TF: variants seen among roughly 807,000 people sequenced by gnomAD.
TF encodes the protein transferrin.
Under a neutral mutation model 82.4 loss-of-function variants are expected in TF, and 55 were observed. The observed-to-expected ratio is 0.67, with a 90% CI of 0.54 to 0.84. TF has a LOEUF of 0.84. TF is among the 40% of genes least tolerant of loss of function. The pLI is 0.00. For missense variants in TF, 737 were observed against 868.4 expected (o/e 0.85, Z 1.90); for synonymous variants, 332 against 332.6 (o/e 1.00, Z 0.02).
At position 133,781,770 on chromosome 3, in the gene TF, C is replaced by T. The variant is rs2107939781; in HGVS notation, c.*3150C>T. The T allele has an allele frequency of 6.6e-6, 1 of 152,234 alleles. No homozygotes were observed. Among genetic ancestry groups the T allele is most frequent in the South Asian group, 2.1e-4 (1 of 4,828 alleles). The allele number at this position is 152,234 out of a possible 1,614,324, so 9.4% of individuals were successfully genotyped here. On this transcript the variant is annotated 3_prime_UTR_variant, in exon 17 of 17. Transcript: ENST00000402696. ...CTTAGCAATGATTTTTTGGCTATCA[C>T]ATCAAAAGCCCAGGCCACAAAAGCA... is the stretch of plus-strand genomic sequence containing the variant.
chr3:133,703,753 G>C, the TF span, among the ~76,000 whole-genome samples: 1 of 152,206 alleles, frequency 6.6e-6, no homozygotes, highest in Non-Finnish European at 1.5e-5. Context: ...TGAATTATTA[G>C]TGTATTATCT....
chr3:133,708,328 C>A, the TF span, among the ~76,000 whole-genome samples: 5 of 151,942 alleles, frequency 3.3e-5, no homozygotes, highest in Non-Finnish European at 5.9e-5. Context: ...AGCAAGACTC[C>A]GTCTCAAAAA....
chr3:133,672,581 G>C, the TF span, among the ~76,000 whole-genome samples: 1 of 151,986 alleles, frequency 6.6e-6, no homozygotes, highest in East Asian at 1.9e-4. Context: ...AATTAAAGGA[G>C]TCCAGCGTGG....
At chr3:133,732,455 G>T in the TF span, among the ~76,000 whole-genome samples, 48 of 152,324 alleles carry the variant, frequency 3.2e-4, no homozygotes, top group Admixed American at 1.2e-3. Context: ...CCAATCAGCA[G>T]GATGTGGGTG....
chr3:133,770,153 C>T (rs1048094943), intron 13 of TF, among the ~76,000 whole-genome samples: 1 of 152,148 alleles, frequency 6.6e-6, no homozygotes, highest in East Asian at 1.9e-4. Context: ...TAGACATTCG[C>T]CTTGTATGAG....
At chr3:133,748,367 C>T in intron 1 of TF, 45 bp from the exon 2 acceptor site, 1 of 1,610,652 alleles carries the variant, frequency 6.2e-7, no homozygotes, top group Non-Finnish European at 8.5e-7. Context: ...GTCTCTCCCT[C>T]AGCATAGGGA....
the TF span, among the ~76,000 whole-genome samples, chr3:133,674,952 TTGAAAGGGAAAGGCCAGACGCGGTGGC>T: frequency 6.6e-6 from 1 of 151,718 alleles, no homozygotes; most frequent in Non-Finnish European, 1.5e-5. Context: ...CTTTAAATGG[TTGAAAGGGAAAGGCCAGACGCGGTGGC>T]TCAGGTCTGT....
At chr3:133,670,772 G>A in the TF span, among the ~76,000 whole-genome samples, 1 of 152,196 alleles carries the variant, frequency 6.6e-6, no homozygotes, top group South Asian at 2.1e-4. Flanking sequence ...AGTGATCTCT[G>A]CGCTCATAGA....
At chr3:133,684,898 C>T in the TF span, among the ~76,000 whole-genome samples, 1 of 151,920 alleles carries the variant, frequency 6.6e-6, no homozygotes, top group Non-Finnish European at 1.5e-5. Context: ...AAAGACACAA[C>T]AAAAAAAGAG....
Position 133,770,723 on chromosome 3 carries a change from A to G in TF, c.1687+151A>G, listed in dbSNP as rs1934239108. 4.2e-6 allele frequency: 4 copies of G among 956,570 alleles called. No homozygotes were observed. The African/African-American group carries it at 4.8e-5, about 12-fold the overall frequency. 59.3% of individuals were successfully genotyped at this position (956,570 alleles called of 1,614,324 possible). On this transcript the variant is annotated intron_variant, in intron 14 of 16. Coordinates refer to ENST00000402696, the MANE Select transcript of TF (RefSeq NM_001063.4). ...GTCTGTCTGCTCAGTGAAGAGAGAC[A>G]TGTTCACCTGAGTGCGCAGAATGAT...
the TF span, among the ~76,000 whole-genome samples, chr3:133,709,914 G>C: frequency 4.6e-5 from 7 of 152,208 alleles, no homozygotes; most frequent in African/African-American, 1.7e-4. Context: ...TATTTTTGAT[G>C]TCTCACAAAT....
intron 9 of TF, 137 bp from the exon 10 acceptor site, chr3:133,764,045 T>G (rs2715631): frequency 0.22 from 160,947 of 744,354 alleles, 19,345 homozygotes; most frequent in Middle Eastern, 0.26. Flanking sequence ...GCTGATCTTT[T>G]GGGGGTTCAG....
the TF span, among the ~76,000 whole-genome samples, chr3:133,674,172 C>T: frequency 6.6e-6 from 1 of 152,312 alleles, no homozygotes; most frequent in South Asian, 2.1e-4. Context: ...GGACAGCCCC[C>T]GAATCCCTAA....
rs1934471980 is a variant in TF at position 133,779,509 on chromosome 3, TC to T, written c.*890del. The T allele has an allele frequency of 3.3e-5, 5 of 152,338 alleles. No individual in the cohort carries two copies. The highest frequency in any genetic ancestry group is 3.3e-4 in the Admixed American group (5 of 15,292). 9.4% of individuals were successfully genotyped at this position (152,338 alleles called of 1,614,324 possible). A position where few individuals can be genotyped will look rare whatever the true frequency, so the allele number is the denominator to read the frequency against. On this transcript the variant is annotated 3_prime_UTR_variant, in exon 17 of 17. Coordinates refer to ENST00000402696, the MANE Select transcript of TF (RefSeq NM_001063.4). ...CCTTGGAACTCTTTTCCTCAGTTTC[TC>T]TGACATGGCAGGTCTCTGCTTTGAT...
At chr3:133,663,594 A>G in the TF span, among the ~76,000 whole-genome samples, 2 of 152,128 alleles carry the variant, frequency 1.3e-5, no homozygotes, top group African/African-American at 4.8e-5. Context: ...TCCTGCTCAC[A>G]CTATTCCCGT....
chr3:133,780,440 G>A lies in TF; in HGVS notation c.*1820G>A, dbSNP rs1009311988. 1 of 152,056 alleles carries A rather than the reference G, an allele frequency of 6.6e-6. No homozygotes were observed. The highest frequency in any genetic ancestry group is 2.4e-5 in the African/African-American group (1 of 41,388). 9.4% of individuals were successfully genotyped at this position (152,056 alleles called of 1,614,324 possible). On this transcript the variant is annotated 3_prime_UTR_variant, in exon 17 of 17. Coordinates refer to ENST00000402696, the MANE Select transcript of TF (RefSeq NM_001063.4). ...ACATCCATTCTTAATTATTAAATTAGTTACTAAAATAGGATAGACAGATGT... is the reference window on the plus strand; with the variant it reads ...ACATCCATTCTTAATTATTAAATTAATTACTAAAATAGGATAGACAGATGT...
the TF span, among the ~76,000 whole-genome samples, chr3:133,725,113 G>T: frequency 5.9e-5 from 9 of 152,116 alleles, no homozygotes; most frequent in African/African-American, 2.2e-4. Flanking sequence ...TTGTTCTTTT[G>T]GCTTAGGATT....
chr3:133,727,253 G>A, the TF span, among the ~76,000 whole-genome samples: 1 of 151,870 alleles, frequency 6.6e-6, no homozygotes, highest in Non-Finnish European at 1.5e-5. Flanking sequence ...TTGATAGTGG[G>A]GTGTTAAAGT....
chr3:133,766,167 C>T (rs1934121436), intron 11 of TF, 111 bp from the exon 12 acceptor site: 5 of 1,047,806 alleles, frequency 4.8e-6, no homozygotes, highest in South Asian at 3.8e-5. Context: ...CCTCTCAAGA[C>T]ACAATGACTG....
Sources: allele counts gnomAD v4.1 joint callset (sites outside exome capture counted in the v4.1 genomes callset), GRCh38; gene constraint gnomAD v4.1.1; transcripts MANE v1.5; gene names NCBI Gene and HGNC (gene_info 2026-07-23, HGNC 2026-07-21).